NTNG1: variants seen among roughly 807,000 people sequenced by gnomAD.
NTNG1 encodes the protein netrin G1.
NTNG1 carries 16 observed loss-of-function variants against 54.0 expected under a neutral mutation model. The ratio of observed to expected loss-of-function variants is 0.30; its 90% CI spans 0.20 to 0.45. The LOEUF (loss-of-function observed/expected upper bound fraction) is 0.45. NTNG1 is among the 20% of genes least tolerant of loss of function. NTNG1 has a pLI of 1.00. For synonymous variants in NTNG1, 255 were observed against 263.1 expected, an observed-to-expected ratio of 0.97 and a Z score of 0.30; for missense variants, 530 against 678.7, an observed-to-expected ratio of 0.78 and a Z score of 2.43.
Position 107,430,860 on chromosome 1 carries a change from A to C in NTNG1, c.1198A>C (p.Arg400=). ...TAGAGGGCAGCACTGTGAGTTATGC[A>C]GGCTGGGCTACTTCAGAAATGCTTC... ...NTRGQHCELC[R]LGYFRNASAQ... The change falls in exon 6 of 8, where the codon AGG becomes CGG. Residue 400 remains arginine (R), a synonymous_variant. Transcript: ENST00000370068. 1 of 1,613,284 alleles carries C rather than the reference A, an allele frequency of 6.2e-7. No homozygotes were observed. The highest frequency in any genetic ancestry group is 1.7e-5 in the Admixed American group (1 of 59,882).
At chr1:107,296,863 T>C (rs1402618060) in intron 2 of NTNG1, among the ~76,000 whole-genome samples, 1 of 148,922 alleles carries the variant, frequency 6.7e-6, no homozygotes, top group Admixed American at 6.7e-5. Flanking sequence ...ATAATCAGAG[T>C]ACTTACCCTA....
At chr1:107,305,167 T>A (rs904540320) in intron 2 of NTNG1, among the ~76,000 whole-genome samples, 1 of 152,220 alleles carries the variant, frequency 6.6e-6, no homozygotes, top group Non-Finnish European at 1.5e-5. Flanking sequence ...TCCACATCTG[T>A]GCTATTGTGA....
intron 2 of NTNG1, among the ~76,000 whole-genome samples, chr1:107,238,578 G>T (rs1235667754): frequency 2.6e-5 from 4 of 152,150 alleles, no homozygotes; most frequent in Non-Finnish European, 5.9e-5. Context: ...GAGACACAGT[G>T]GGAGGTAAAT....
intron 3 of NTNG1, among the ~76,000 whole-genome samples, chr1:107,358,542 A>G (rs1401829270): frequency 6.6e-6 from 1 of 152,038 alleles, no homozygotes; most frequent in Non-Finnish European, 1.5e-5. Context: ...AAATCTGGTC[A>G]TCTTTTTCCA....
At chr1:107,370,640 A>G (rs952951938) in intron 3 of NTNG1, among the ~76,000 whole-genome samples, 3 of 152,018 alleles carry the variant, frequency 2.0e-5, no homozygotes, top group Non-Finnish European at 4.4e-5. Context: ...CACTTCACTT[A>G]GAATAATAGT....
chr1:107,217,561 CT>C (rs1660056365), intron 2 of NTNG1, among the ~76,000 whole-genome samples: 1 of 152,134 alleles, frequency 6.6e-6, no homozygotes, highest in Non-Finnish European at 1.5e-5. Context: ...TATTTGTGCT[CT>C]TTCAGCTTTT....
chr1:107,353,271 C>T (rs1044192358), intron 3 of NTNG1, among the ~76,000 whole-genome samples: 19 of 152,138 alleles, frequency 1.2e-4, no homozygotes, highest in African/African-American at 4.3e-4. Context: ...CCACACATAT[C>T]AGCCAAAACT....
Position 107,483,888 on chromosome 1 carries a change from T to TGAGGGTTATTTATG in NTNG1, c.*3048_*3049insGAGGGTTATTTATG, listed in dbSNP as rs1558035368. Among the ~76,000 whole-genome samples the TGAGGGTTATTTATG allele has an allele frequency of 1.3e-5, 2 of 152,274 alleles. No homozygotes were observed. The highest frequency in any genetic ancestry group is 2.9e-5 in the Non-Finnish European group (2 of 68,042). On this transcript the variant is annotated 3_prime_UTR_variant, in exon 8 of 8. Transcript: ENST00000370068. ...GATAATGGACATGCCCTGCTGTGATTTGAGGGTTATTTATTTCTGACCCTG... is the reference window on the plus strand; with the variant it reads ...GATAATGGACATGCCCTGCTGTGATTGAGGGTTATTTATGTGAGGGTTATTTATTTCTGACCCTG...
chr1:107,437,430 C>G (rs1238792171), intron 7 of NTNG1, among the ~76,000 whole-genome samples: 1 of 152,174 alleles, frequency 6.6e-6, no homozygotes, highest in Non-Finnish European at 1.5e-5. Context: ...TGTCAAGGCA[C>G]GTGGCATGTC....
intron 2 of NTNG1, among the ~76,000 whole-genome samples, chr1:107,213,755 C>G (rs914283500): frequency 6.6e-6 from 1 of 152,078 alleles, no homozygotes; most frequent in African/African-American, 2.4e-5. Flanking sequence ...ACAAATAAAT[C>G]TGCCTTTGAA....
intron 3 of NTNG1, among the ~76,000 whole-genome samples, chr1:107,344,079 T>C (rs1669078128): frequency 6.6e-6 from 1 of 152,172 alleles, no homozygotes; most frequent in Admixed American, 6.6e-5. Context: ...CATTATCTAA[T>C]TACATTAGTT....
intron 2 of NTNG1, among the ~76,000 whole-genome samples, chr1:107,228,618 T>TA (rs1157392833): frequency 6.6e-6 from 1 of 152,216 alleles, no homozygotes; most frequent in Non-Finnish European, 1.5e-5. Flanking sequence ...TGAGATAGTT[T>TA]ACAATAACTT....
intron 1 of NTNG1, among the ~76,000 whole-genome samples, chr1:107,147,814 T>G (rs1309527163): frequency 6.6e-6 from 1 of 152,182 alleles, no homozygotes; most frequent in Admixed American, 6.5e-5. Flanking sequence ...AATATAATTT[T>G]TGAAGTGAAA....
chr1:107,245,019 T>A (rs930693164), intron 2 of NTNG1, among the ~76,000 whole-genome samples: 2 of 152,156 alleles, frequency 1.3e-5, no homozygotes, highest in African/African-American at 4.8e-5. Context: ...AGATTTATTG[T>A]GGGCTGGATT....
intron 7 of NTNG1, among the ~76,000 whole-genome samples, chr1:107,461,057 A>C (rs1677253400): frequency 6.6e-6 from 1 of 152,188 alleles, no homozygotes; most frequent in African/African-American, 2.4e-5. Context: ...AAGACAGAGA[A>C]GGCTTTAATT....
chr1:107,260,708 G>T (rs1486805616), intron 2 of NTNG1: 1 of 152,102 alleles, frequency 6.6e-6, no homozygotes, highest in African/African-American at 2.4e-5. Flanking sequence ...CAGAATAAGA[G>T]CATCCCCACC....
intron 1 of NTNG1, among the ~76,000 whole-genome samples, chr1:107,145,947 A>G (rs1017765394): frequency 6.6e-6 from 1 of 152,108 alleles, no homozygotes; most frequent in African/African-American, 2.4e-5. Context: ...TTAGTGTTCA[A>G]ATTTTTCCTG....
At chr1:107,366,957 TA>T (rs1670626052) in intron 3 of NTNG1, among the ~76,000 whole-genome samples, 1 of 152,210 alleles carries the variant, frequency 6.6e-6, no homozygotes, top group African/African-American at 2.4e-5. Flanking sequence ...TAAATATTTA[TA>T]AATTTCTTAA....
At chr1:107,231,783 C>T (rs1661086252) in intron 2 of NTNG1, among the ~76,000 whole-genome samples, 1 of 152,114 alleles carries the variant, frequency 6.6e-6, no homozygotes, top group African/African-American at 2.4e-5. Flanking sequence ...ATCTTGGATA[C>T]TGCCAGGCCA....
Sources: gnomAD v4.1 joint callset for allele counts (sites outside exome capture counted in the v4.1 genomes callset) on GRCh38, gnomAD v4.1.1 for gene constraint, MANE v1.5 for transcripts, NCBI Gene and HGNC (gene_info 2026-07-23, HGNC 2026-07-21) for gene names.